The following PXDNL variants were observed in gnomAD, a reference collection of about 807,000 sequenced individuals.
PXDNL encodes peroxidasin like.
A neutral mutation model predicts 150.8 loss-of-function variants in PXDNL; 145 were observed. The ratio of observed to expected loss-of-function variants is 0.96; its 90% CI spans 0.84 to 1.10. The LOEUF (loss-of-function observed/expected upper bound fraction) is 1.10, where lower values mean the gene tolerates loss of function less well. PXDNL is among the 50% of genes least tolerant of loss of function. The pLI is 0.00. For synonymous variants in PXDNL, 757 were observed against 725.7 expected, an observed-to-expected ratio of 1.04 and a Z score of -0.69; for missense variants, 2,087 against 1,873.9, an observed-to-expected ratio of 1.11 and a Z score of -2.10.
At chr8:51,738,992 C>G (rs957119545) in intron 1 of PXDNL, among the ~76,000 whole-genome samples, 4 of 151,934 alleles carry the variant, frequency 2.6e-5, no homozygotes, top group Admixed American at 1.3e-4. Flanking sequence ...GAGTTATTGG[C>G]AAAACATTAT....
chr8:51,603,652 C>A (rs1330545107), intron 2 of PXDNL, among the ~76,000 whole-genome samples: 1 of 151,962 alleles, frequency 6.6e-6, no homozygotes, highest in African/African-American at 2.4e-5. Flanking sequence ...CTGTAATGAC[C>A]ATGATTTTTT....
At chr8:51,498,329 T>C in intron 5 of PXDNL, among the ~76,000 whole-genome samples, 1 of 151,234 alleles carries the variant, frequency 6.6e-6, no homozygotes, top group Non-Finnish European at 1.5e-5. Context: ...ATACCTAATG[T>C]TAAATAATGA....
intron 1 of PXDNL, 93 bp downstream of exon 1, chr8:51,809,088 A>G: frequency 7.6e-7 from 1 of 1,307,558 alleles, no homozygotes; most frequent in Non-Finnish European, 1.1e-6. Context: ...CAGGGAGAGC[A>G]TTAGGAATCG....
At chr8:51,669,898 C>T (rs564666063) in intron 1 of PXDNL, among the ~76,000 whole-genome samples, 1 of 152,294 alleles carries the variant, frequency 6.6e-6, no homozygotes, top group African/African-American at 2.4e-5. Context: ...CATATGTTCA[C>T]TAATTCAACA....
chr8:51,463,142 G>C (rs4873552), intron 8 of PXDNL, among the ~76,000 whole-genome samples: 1 of 151,842 alleles, frequency 6.6e-6, no homozygotes, highest in Non-Finnish European at 1.5e-5. Context: ...TTCTAAACAT[G>C]GAAACAAAAG....
intron 1 of PXDNL, among the ~76,000 whole-genome samples, chr8:51,794,067 C>G (rs539212075): frequency 5.3e-5 from 8 of 151,814 alleles, no homozygotes; most frequent in Non-Finnish European, 1.2e-4. Context: ...GAAAGAATTT[C>G]AGAGCTTGAA....
chr8:51,319,928 T>C lies in PXDNL; in HGVS notation c.4355A>G (p.Asp1452Gly). 6.4e-7 allele frequency: 1 copy of C among 1,561,346 alleles called. No individual in the cohort carries two copies. The highest frequency in any genetic ancestry group is 8.6e-7 in the Non-Finnish European group (1 of 1,156,644). ...TGGGGAATCACTTGGCATTCCTCGGTCTCTGCAAACTGGACAGCAGGTTCC... is the reference window on the plus strand; with the variant it reads ...TGGGGAATCACTTGGCATTCCTCGGCCTCTGCAAACTGGACAGCAGGTTCC... ...VKGTCCPVCR[D>G]RGMPSDSPEK... The change falls in exon 23 of 23, where the codon GAC becomes GGC. Residue 1452 changes from aspartate to glycine, a missense_variant. Transcript: ENST00000356297.
intron 1 of PXDNL, among the ~76,000 whole-genome samples, chr8:51,723,958 G>A (rs146256954): frequency 1.3e-5 from 2 of 152,172 alleles, no homozygotes; most frequent in African/African-American, 4.8e-5. Context: ...GGCAGGGGTG[G>A]AGAAGAGGAA....
At chr8:51,687,457 G>C (rs1465367318) in intron 1 of PXDNL, among the ~76,000 whole-genome samples, 1 of 152,196 alleles carries the variant, frequency 6.6e-6, no homozygotes, top group African/African-American at 2.4e-5. Flanking sequence ...CTAGCAGAAA[G>C]TGTTAATTAT....
intron 12 of PXDNL, among the ~76,000 whole-genome samples, chr8:51,435,271 C>T (rs1288621994): frequency 4.6e-5 from 7 of 151,752 alleles, no homozygotes; most frequent in Admixed American, 1.3e-4. Context: ...CAGTGAGCCA[C>T]GATCACGCCA....
At chr8:51,337,110 T>A (rs528468382) in intron 21 of PXDNL, among the ~76,000 whole-genome samples, 1 of 152,294 alleles carries the variant, frequency 6.6e-6, no homozygotes, top group East Asian at 1.9e-4. Context: ...TCCATCTTGA[T>A]AAATTTAGAT....
intron 20 of PXDNL, among the ~76,000 whole-genome samples, chr8:51,340,864 T>G (rs554091837): frequency 1.3e-5 from 2 of 152,358 alleles, no homozygotes; most frequent in Non-Finnish European, 1.5e-5. Context: ...ATAATATTAA[T>G]GCAAATGGTT....
intron 5 of PXDNL, among the ~76,000 whole-genome samples, chr8:51,486,766 ATATATATATATATATATATATATATATAT>A: frequency 9.6e-5 from 1 of 10,432 alleles, no homozygotes; most frequent in Non-Finnish European, 1.8e-4. Context: ...ATATATATAT[ATATATATATATATATATATATATATATAT>A]TTTTTTTTTT....
At chr8:51,540,723 G>T (rs930357063) in intron 4 of PXDNL, among the ~76,000 whole-genome samples, 1 of 152,004 alleles carries the variant, frequency 6.6e-6, no homozygotes, top group Admixed American at 6.6e-5. Context: ...TATCAGTTAG[G>T]TCAAGTTGGT....
intron 17 of PXDNL, among the ~76,000 whole-genome samples, chr8:51,397,150 T>C (rs1341119477): frequency 6.6e-6 from 1 of 152,214 alleles, no homozygotes; most frequent in East Asian, 1.9e-4. Flanking sequence ...TTAAAGTGAT[T>C]ACCAACTGCG....
intron 2 of PXDNL, among the ~76,000 whole-genome samples, chr8:51,596,304 G>T (rs185532088): frequency 1.3e-5 from 2 of 152,310 alleles, no homozygotes; most frequent in Non-Finnish European, 2.9e-5. Context: ...TACCACTGAT[G>T]AACACCTGTG....
At chr8:51,619,818 A>G (rs1049276970) in intron 2 of PXDNL, among the ~76,000 whole-genome samples, 7 of 152,114 alleles carry the variant, frequency 4.6e-5, no homozygotes, top group African/African-American at 1.7e-4. Flanking sequence ...AAACTAATAC[A>G]CTGGGTTTTC....
intron 17 of PXDNL, among the ~76,000 whole-genome samples, chr8:51,379,179 CTT>C (rs1807457106): frequency 6.6e-6 from 1 of 152,040 alleles, no homozygotes; most frequent in Admixed American, 6.6e-5. Flanking sequence ...GCTCCGATAA[CTT>C]GTTATTTTCA....
intron 12 of PXDNL, among the ~76,000 whole-genome samples, chr8:51,427,470 CT>C (rs1809137585): frequency 6.6e-6 from 1 of 152,056 alleles, no homozygotes; most frequent in Non-Finnish European, 1.5e-5. Flanking sequence ...TCAAATACTT[CT>C]TATGAACATA....
Sources: gnomAD v4.1 joint callset for allele counts (sites outside exome capture counted in the v4.1 genomes callset) on GRCh38, gnomAD v4.1.1 for gene constraint, MANE v1.5 for transcripts, NCBI Gene and HGNC (gene_info 2026-07-23, HGNC 2026-07-21) for gene names.